The following DLGAP2 variants were observed in gnomAD, a reference collection of about 807,000 sequenced individuals.
DLGAP2 encodes the protein DLG associated protein 2, also known as disks large-associated protein 2.
In DLGAP2, 26 loss-of-function variants were observed where a neutral mutation model predicts 100.3. The ratio of observed to expected loss-of-function variants is 0.26; its 90% CI spans 0.19 to 0.36. DLGAP2 has a LOEUF of 0.36. Among genes scored for constraint, DLGAP2 ranks in the 10% least tolerant of loss-of-function variants. DLGAP2 has a pLI of 1.00. For synonymous variants in DLGAP2, 886 were observed against 630.1 expected (o/e 1.41, Z -6.08); for missense variants, 1,858 against 1,453.2 (o/e 1.28, Z -4.53).
chr8:1,437,512 C>G (rs988273422), intron 3 of DLGAP2, among the ~76,000 whole-genome samples: 2 of 152,166 alleles, frequency 1.3e-5, no homozygotes, highest in South Asian at 2.1e-4. Context: ...TGACATCGAC[C>G]TAACCTCCTG....
chr8:1,532,018 A>T (rs992107021), intron 4 of DLGAP2, among the ~76,000 whole-genome samples: 1 of 152,190 alleles, frequency 6.6e-6, no homozygotes, highest in African/African-American at 2.4e-5. Flanking sequence ...TTCCGTCCAG[A>T]GGGGGTTCCA....
At chr8:1,087,530 G>A (rs1804014505) in intron 2 of DLGAP2, among the ~76,000 whole-genome samples, 2 of 150,298 alleles carry the variant, frequency 1.3e-5, no homozygotes, top group Non-Finnish European at 3.0e-5. Context: ...AACCACATGT[G>A]TGACTCCTCT....
chr8:1,646,253 G>C (rs1036805034), intron 8 of DLGAP2, among the ~76,000 whole-genome samples: 6 of 152,104 alleles, frequency 3.9e-5, no homozygotes, highest in Non-Finnish European at 5.9e-5. Flanking sequence ...TTTGAACTGC[G>C]ACTTGCACCA....
intron 6 of DLGAP2, among the ~76,000 whole-genome samples, chr8:1,607,659 G>T (rs1022214653): frequency 4.6e-5 from 7 of 152,024 alleles, no homozygotes; most frequent in African/African-American, 1.7e-4. Context: ...GTGCCAGACA[G>T]TGGGCGCAGG....
At chr8:1,156,499 C>A (rs1796789897) in intron 2 of DLGAP2, among the ~76,000 whole-genome samples, 1 of 152,004 alleles carries the variant, frequency 6.6e-6, no homozygotes, top group Admixed American at 6.6e-5. Flanking sequence ...CACAACCCGT[C>A]ACACAAGAAG....
chr8:1,483,662 G>GGGC (rs1799162948), intron 3 of DLGAP2, among the ~76,000 whole-genome samples: 2 of 149,836 alleles, frequency 1.3e-5, no homozygotes, highest in African/African-American at 5.0e-5. Context: ...CGTCTACACA[G>GGGC]AGCAGGGAGG....
intron 3 of DLGAP2, among the ~76,000 whole-genome samples, chr8:1,494,812 A>T (rs1269822395): frequency 6.6e-6 from 1 of 152,122 alleles, no homozygotes; most frequent in African/African-American, 2.4e-5. Context: ...CACAGAGCAC[A>T]CAGAGCTCCA....
chr8:1,470,751 CCCCGACTCCT>C (rs1563168409), intron 3 of DLGAP2, among the ~76,000 whole-genome samples: 12 of 93,012 alleles, frequency 1.3e-4, no homozygotes, highest in South Asian at 3.6e-4. Flanking sequence ...CCGACTCCTT[CCCCGACTCCT>C]CCAGCCTTTC....
intron 1 of DLGAP2, among the ~76,000 whole-genome samples, chr8:794,629 G>A (rs940453358): frequency 1.3e-5 from 2 of 151,584 alleles, no homozygotes; most frequent in Non-Finnish European, 2.9e-5. Flanking sequence ...CAGGCCAGGT[G>A]TTCCTTGCCC....
chr8:976,023 G>A (rs556323575), intron 2 of DLGAP2, among the ~76,000 whole-genome samples: 1 of 152,248 alleles, frequency 6.6e-6, no homozygotes, highest in South Asian at 2.1e-4. Context: ...TTATTATACA[G>A]AAGTCAGTTA....
intron 1 of DLGAP2, among the ~76,000 whole-genome samples, chr8:907,168 G>A: frequency 1.3e-5 from 2 of 152,182 alleles, no homozygotes; most frequent in East Asian, 3.8e-4. Context: ...GAGACTTGTA[G>A]ATGCTGTCTT....
intron 2 of DLGAP2, among the ~76,000 whole-genome samples, chr8:1,117,085 C>T (rs895570916): frequency 6.6e-6 from 1 of 152,170 alleles, no homozygotes; most frequent in African/African-American, 2.4e-5. Flanking sequence ...AAATTTGCTA[C>T]AGCAATTTCA....
At chr8:1,376,405 C>A (rs907039696) in intron 3 of DLGAP2, among the ~76,000 whole-genome samples, 2 of 152,264 alleles carry the variant, frequency 1.3e-5, no homozygotes, top group Non-Finnish European at 2.9e-5. Flanking sequence ...TTGAAAAGCG[C>A]CCCGCTGCAT....
At chr8:746,269 G>T (rs568965878) in intron 1 of DLGAP2, among the ~76,000 whole-genome samples, 161 of 152,380 alleles carry the variant, frequency 1.1e-3, no homozygotes, top group Middle Eastern at 3.4e-3. Flanking sequence ...TCTGGCATCT[G>T]TTGAACGTTT....
chr8:923,066 T>C (rs962107828), intron 2 of DLGAP2, among the ~76,000 whole-genome samples: 16 of 152,196 alleles, frequency 1.1e-4, no homozygotes, highest in Non-Finnish European at 1.9e-4. Flanking sequence ...TTAAAAGCTA[T>C]GTCAAACCCC....
rs968835665 is a variant in DLGAP2, at chr8:1,107,178, AG to A, written c.74-151671del. On this transcript the variant is annotated intron_variant, in intron 2 of 14. Transcript: ENST00000637795. ...AAGCACCACAAAGTGGAGAGAGCAG[AG>A]GCTTTGCAGTGCACTGGTTCTGTGA... Among the ~76,000 whole-genome samples the A allele has an allele frequency of 1.0e-3, 152 of 152,336 alleles. 1 individual carries two copies. The highest frequency in any genetic ancestry group is 3.4e-3 in the African/African-American group (143 of 41,574).
chr8:1,009,689 A>G (rs1801220112), intron 2 of DLGAP2, among the ~76,000 whole-genome samples: 1 of 152,200 alleles, frequency 6.6e-6, no homozygotes, highest in Non-Finnish European at 1.5e-5. Flanking sequence ...TTGCATGATG[A>G]AGAACCAGAA....
chr8:1,345,388 A>G (rs888797335), intron 3 of DLGAP2, among the ~76,000 whole-genome samples: 1 of 152,248 alleles, frequency 6.6e-6, no homozygotes, highest in African/African-American at 2.4e-5. Flanking sequence ...AGTACACTGC[A>G]TGTAGTTTCC....
intron 2 of DLGAP2, among the ~76,000 whole-genome samples, chr8:1,095,918 G>A (rs537261659): frequency 1.3e-5 from 2 of 152,268 alleles, no homozygotes; most frequent in African/African-American, 4.8e-5. Flanking sequence ...TAGAGAACAG[G>A]CTCTGGGTGA....
Sources: allele counts gnomAD v4.1 joint callset (sites outside exome capture counted in the v4.1 genomes callset), GRCh38; gene constraint gnomAD v4.1.1; transcripts MANE v1.5; gene names NCBI Gene and HGNC (gene_info 2026-07-23, HGNC 2026-07-21).